PDE4D: variants seen among roughly 807,000 people sequenced by gnomAD.
PDE4D encodes the protein 3',5'-cyclic-AMP phosphodiesterase 4D.
Under a neutral mutation model 87.4 loss-of-function variants are expected in PDE4D, and 24 were observed. The ratio of observed to expected loss-of-function variants is 0.27; its 90% CI spans 0.20 to 0.39. The LOEUF (loss-of-function observed/expected upper bound fraction) is 0.39, where lower values mean the gene tolerates loss of function less well. Ranked by LOEUF, PDE4D falls within the 10% of genes least tolerant of loss-of-function variation. The pLI, the probability that PDE4D is intolerant of heterozygous loss-of-function variation, is 1.00. For synonymous variants in PDE4D, 384 were observed against 383.2 expected, an observed-to-expected ratio of 1.00 and a Z score of -0.02; for missense variants, 714 against 1,041.0, an observed-to-expected ratio of 0.69 and a Z score of 4.32.
At chr5:60,239,029 T>C (rs1472686444) in intron 1 of PDE4D, among the ~76,000 whole-genome samples, 1 of 152,064 alleles carries the variant, frequency 6.6e-6, no homozygotes, top group Non-Finnish European at 1.5e-5. Context: ...GTTTTAGTCT[T>C]AAGAAATCCT....
chr5:59,453,406 C>T (rs1401465531), intron 1 of PDE4D, among the ~76,000 whole-genome samples: 1 of 152,198 alleles, frequency 6.6e-6, no homozygotes. Context: ...CTTAGTAAGG[C>T]ATGTCAAAAG....
At chr5:60,362,376 A>T (rs980605350) in intron 1 of PDE4D, among the ~76,000 whole-genome samples, 1 of 152,150 alleles carries the variant, frequency 6.6e-6, no homozygotes, top group Non-Finnish European at 1.5e-5. Context: ...ATTTACAAGG[A>T]TTTCATATTT....
intron 1 of PDE4D, among the ~76,000 whole-genome samples, chr5:59,732,847 T>C (rs1035515294): frequency 1.3e-5 from 2 of 152,074 alleles, no homozygotes; most frequent in Admixed American, 6.6e-5. Flanking sequence ...CACAAGTAAG[T>C]TGTGAATAAT....
intron 1 of PDE4D, among the ~76,000 whole-genome samples, chr5:60,283,083 T>A (rs898898321): frequency 6.6e-6 from 1 of 152,168 alleles, no homozygotes; most frequent in Admixed American, 6.6e-5. Flanking sequence ...CTACTTACTC[T>A]ACCAATTACT....
intron 1 of PDE4D, among the ~76,000 whole-genome samples, chr5:59,257,156 T>C (rs1761132131): frequency 6.6e-6 from 1 of 152,086 alleles, no homozygotes; most frequent in Non-Finnish European, 1.5e-5. Flanking sequence ...GCTTTTGTCA[T>C]GATTTTGCTG....
intron 6 of PDE4D, among the ~76,000 whole-genome samples, chr5:59,015,219 A>C (rs1753728156): frequency 6.6e-6 from 1 of 152,202 alleles, no homozygotes; most frequent in Non-Finnish European, 1.5e-5. Flanking sequence ...ATGGGCAAGG[A>C]CTTCATGTCT....
intron 1 of PDE4D, among the ~76,000 whole-genome samples, chr5:60,232,848 A>G (rs1328708470): frequency 6.6e-6 from 1 of 151,856 alleles, no homozygotes; most frequent in African/African-American, 2.4e-5. Context: ...AGACAGACCA[A>G]ATAAAATTAT....
At chr5:59,090,550 C>T (rs1768515805) in intron 5 of PDE4D, among the ~76,000 whole-genome samples, 1 of 152,082 alleles carries the variant, frequency 6.6e-6, no homozygotes, top group Non-Finnish European at 1.5e-5. Context: ...CACAGACATA[C>T]TGGCATGAGA....
At chr5:59,603,113 A>G (rs1003167570) in intron 1 of PDE4D, among the ~76,000 whole-genome samples, 1 of 151,970 alleles carries the variant, frequency 6.6e-6, no homozygotes, top group African/African-American at 2.4e-5. Flanking sequence ...TTTTTTGAAC[A>G]TGACTCCAAA....
chr5:59,053,145 G>A (rs1359199165), intron 5 of PDE4D, among the ~76,000 whole-genome samples: 1 of 151,926 alleles, frequency 6.6e-6, no homozygotes, highest in Non-Finnish European at 1.5e-5. Context: ...AGGGGAAGAA[G>A]GCATGTCATT....
At chr5:60,434,425 C>A (rs1051154292) in intron 1 of PDE4D, among the ~76,000 whole-genome samples, 1 of 150,608 alleles carries the variant, frequency 6.6e-6, no homozygotes, top group African/African-American at 2.4e-5. Flanking sequence ...GGGAAGACAC[C>A]AGAACATGTC....
intron 2 of PDE4D, among the ~76,000 whole-genome samples, chr5:59,205,222 T>A (rs1222440822): frequency 6.6e-6 from 1 of 152,178 alleles, no homozygotes; most frequent in East Asian, 1.9e-4. Flanking sequence ...AAACTATACG[T>A]ATTCCTTTGG....
At chr5:60,273,122 T>C (rs1750987579) in intron 1 of PDE4D, among the ~76,000 whole-genome samples, 1 of 152,058 alleles carries the variant, frequency 6.6e-6, no homozygotes, top group Non-Finnish European at 1.5e-5. Flanking sequence ...CTGAGGAAGA[T>C]AAACAAGTAA....
chr5:60,390,646 T>TAAAAAA (rs35911590), intron 1 of PDE4D, among the ~76,000 whole-genome samples: 1 of 138,698 alleles, frequency 7.2e-6, no homozygotes. Flanking sequence ...AATGATAATT[T>TAAAAAA]AAAAAAAAAA....
chr5:60,376,273 G>A (rs557339961), intron 1 of PDE4D, among the ~76,000 whole-genome samples: 1 of 152,242 alleles, frequency 6.6e-6, no homozygotes, highest in African/African-American at 2.4e-5. Flanking sequence ...TATGAGATAA[G>A]CATCATTGTT....
At chr5:59,251,580 A>C (rs149092909) in intron 1 of PDE4D, among the ~76,000 whole-genome samples, 110 of 152,260 alleles carry the variant, frequency 7.2e-4, no homozygotes, top group Middle Eastern at 3.4e-3. Flanking sequence ...TTTTGGTGGG[A>C]GTGTAAATTA....
intron 2 of PDE4D, among the ~76,000 whole-genome samples, chr5:60,108,132 C>T (rs1222133756): frequency 6.6e-6 from 1 of 151,738 alleles, no homozygotes; most frequent in Admixed American, 6.6e-5. Context: ...CCCAAAATCT[C>T]CTTAAGCTGA....
intron 5 of PDE4D, among the ~76,000 whole-genome samples, chr5:59,173,216 A>C (rs2153474156): frequency 1.3e-5 from 2 of 152,238 alleles, no homozygotes; most frequent in Middle Eastern, 6.8e-3. Context: ...TTCCCCTCAT[A>C]ATTAGGACAT....
intron 3 of PDE4D, among the ~76,000 whole-genome samples, chr5:59,954,442 T>C (rs555912737): frequency 6.6e-6 from 1 of 152,292 alleles, no homozygotes; most frequent in South Asian, 2.1e-4. Context: ...TGGCAGTTAT[T>C]TGAGCAGGAT....
Sources: allele counts gnomAD v4.1 joint callset (sites outside exome capture counted in the v4.1 genomes callset), GRCh38; gene constraint gnomAD v4.1.1; transcripts MANE v1.5; gene names NCBI Gene and HGNC (gene_info 2026-07-23, HGNC 2026-07-21).